GRM5: variants seen among roughly 807,000 people sequenced by gnomAD.
GRM5 encodes the protein metabotropic glutamate receptor 5.
GRM5 carries 19 observed loss-of-function variants against 83.1 expected under a neutral mutation model. That is an observed-to-expected ratio of 0.23 (90% CI 0.16 to 0.34). The LOEUF is 0.34. Among genes scored for constraint, GRM5 ranks in the 10% least tolerant of loss-of-function variants. The pLI is 1.00. For synonymous variants in GRM5, 675 were observed against 633.6 expected (o/e 1.07, Z -0.98); for missense variants, 1,160 against 1,588.3 (o/e 0.73, Z 4.58).
intron 2 of GRM5, chr11:88,912,119 T>C (rs776490243): frequency 1.3e-5 from 4 of 303,182 alleles, no homozygotes; most frequent in African/African-American, 2.3e-5. Flanking sequence ...AAATGAAGAG[T>C]ATTAGAGCAT....
At chr11:88,885,673 A>T (rs1255282820) in intron 2 of GRM5, among the ~76,000 whole-genome samples, 1 of 150,296 alleles carries the variant, frequency 6.7e-6, no homozygotes, top group Non-Finnish European at 1.5e-5. Flanking sequence ...CAGTTCTCAT[A>T]AAAAAAAATC....
At chr11:88,769,851 C>T (rs1942696077) in intron 3 of GRM5, among the ~76,000 whole-genome samples, 1 of 151,956 alleles carries the variant, frequency 6.6e-6, no homozygotes, top group Admixed American at 6.6e-5. Flanking sequence ...GGAGGGAGAG[C>T]AAAACTCTCC....
At chr11:88,524,878 G>A (rs761419396) in intron 9 of GRM5, among the ~76,000 whole-genome samples, 3 of 152,220 alleles carry the variant, frequency 2.0e-5, no homozygotes, top group Non-Finnish European at 4.4e-5. Flanking sequence ...TCCAGGATCA[G>A]GGGCTGGAGT....
At chr11:88,701,377 A>G (rs2135372959) in intron 3 of GRM5, among the ~76,000 whole-genome samples, 1 of 152,268 alleles carries the variant, frequency 6.6e-6, no homozygotes, top group Admixed American at 6.5e-5. Context: ...CAGGGATGAC[A>G]TTCTGGGTCA....
At chr11:88,908,116 A>G (rs1298255044) in intron 2 of GRM5, among the ~76,000 whole-genome samples, 2 of 152,112 alleles carry the variant, frequency 1.3e-5, no homozygotes, top group Non-Finnish European at 2.9e-5. Context: ...AATATTTCTT[A>G]TCTATACTTA....
chr11:88,603,340 C>A (rs751625959), intron 5 of GRM5, among the ~76,000 whole-genome samples: 5 of 152,186 alleles, frequency 3.3e-5, no homozygotes, highest in African/African-American at 4.8e-5. Flanking sequence ...TCATCAGATT[C>A]TATCAGCAAG....
At chr11:88,945,942 AACAG>A (rs768410665) in intron 2 of GRM5, among the ~76,000 whole-genome samples, 1 of 152,112 alleles carries the variant, frequency 6.6e-6, no homozygotes, top group African/African-American at 2.4e-5. Context: ...CAACCAAGTA[AACAG>A]ACAGCCTGTC....
chr11:88,894,035 T>C (rs1156353232), intron 2 of GRM5, among the ~76,000 whole-genome samples: 1 of 151,940 alleles, frequency 6.6e-6, no homozygotes, highest in African/African-American at 2.4e-5. Context: ...GGAGTTTGCA[T>C]CGGTGAATGC....
intron 3 of GRM5, among the ~76,000 whole-genome samples, chr11:88,822,859 T>A (rs1160571715): frequency 1.3e-5 from 2 of 152,048 alleles, no homozygotes; most frequent in Non-Finnish European, 2.9e-5. Flanking sequence ...ATTTGAGGTA[T>A]CTTTTCTTTC....
intron 3 of GRM5, among the ~76,000 whole-genome samples, chr11:88,727,085 A>C (rs1941702059): frequency 6.6e-6 from 1 of 152,208 alleles, no homozygotes; most frequent in Non-Finnish European, 1.5e-5. Flanking sequence ...ATTAAAAGAC[A>C]TAGTCAGGCA....
At chr11:88,705,358 C>G (rs1353806) in intron 3 of GRM5, among the ~76,000 whole-genome samples, 120,120 of 152,014 alleles carry the variant, frequency 0.79, 51,062 homozygotes, top group Non-Finnish European at 0.96. Context: ...AGCCAGGCTG[C>G]AGAACCACTG....
At chr11:88,863,651 C>T (rs1944609218) in intron 2 of GRM5, among the ~76,000 whole-genome samples, 1 of 126,070 alleles carries the variant, frequency 7.9e-6, no homozygotes, top group Admixed American at 8.2e-5. Context: ...GCCTAAAGAG[C>T]ATAAAAAACT....
In GRM5 at chr11:89,016,083, A is replaced by G. The variant is rs551906168; in HGVS notation, c.661+31129T>C. Among the ~76,000 whole-genome samples the G allele has an allele frequency of 2.6e-5, 4 of 152,124 alleles. No homozygotes were observed. The East Asian group carries it at 7.7e-4, about 29-fold the overall frequency. On this transcript the variant is annotated intron_variant, in intron 2 of 9. Transcript: ENST00000305447. ...TGATCTACAGGGAAAAAAACACTAG[A>G]TTCAAAAATTTATTTTAGTGCTGAG...
At chr11:88,729,794 T>C (rs1941766913) in intron 3 of GRM5, among the ~76,000 whole-genome samples, 1 of 152,208 alleles carries the variant, frequency 6.6e-6, no homozygotes, top group African/African-American at 2.4e-5. Context: ...ATCTCCTATT[T>C]AATAAATGGT....
intron 3 of GRM5, among the ~76,000 whole-genome samples, chr11:88,815,330 T>G (rs1233442272): frequency 6.6e-6 from 1 of 152,236 alleles, no homozygotes; most frequent in African/African-American, 2.4e-5. Flanking sequence ...ATAACTCATG[T>G]GTCAAGGACA....
chr11:89,047,525 G>T lies in GRM5; in HGVS notation c.348C>A (p.Ser116=). 6.2e-7 allele frequency: 1 copy of T among 1,614,072 alleles called. No individual in the cohort carries two copies. Among genetic ancestry groups the T allele is most frequent in the Non-Finnish European group, 8.5e-7 (1 of 1,179,978 alleles). ...LEQSIEFIRD[S]LISSEEEEGL... is the part of the protein sequence containing the mutation. ...CTTCTTCCTCTTCTGAAGAAATGAG[G>T]GAATCTCTTATGAACTCAATGCTCT... The change falls in exon 2 of 10, where the codon TCC becomes TCA. Residue 116 remains serine (S), a synonymous_variant. Coordinates refer to ENST00000305447, the MANE Select transcript of GRM5 (RefSeq NM_001143831.3). The surrounding 1 kb of genome is among the most constrained non-coding windows in gnomAD (Gnocchi z 5.1).
chr11:89,050,111 G>C (rs749507451), intron 1 of GRM5, among the ~76,000 whole-genome samples: 4 of 152,124 alleles, frequency 2.6e-5, no homozygotes, highest in African/African-American at 2.4e-5. Context: ...ATTCATTTAA[G>C]TTGTTTTATG....
At chr11:88,566,034 G>A (rs567673553) in intron 8 of GRM5, among the ~76,000 whole-genome samples, 2 of 152,294 alleles carry the variant, frequency 1.3e-5, no homozygotes, top group African/African-American at 4.8e-5. Flanking sequence ...TTCAAGAGAT[G>A]TTATTTAGAT....
At chr11:88,988,819 T>C (rs1455614006) in intron 2 of GRM5, among the ~76,000 whole-genome samples, 1 of 141,862 alleles carries the variant, frequency 7.0e-6, no homozygotes, top group Non-Finnish European at 1.5e-5. Context: ...CTGAGAGACT[T>C]TGTCACCACC....
Sources: allele counts gnomAD v4.1 joint callset (sites outside exome capture counted in the v4.1 genomes callset), GRCh38; gene constraint gnomAD v4.1.1; non-coding constraint Gnocchi (gnomAD v3.1); transcripts MANE v1.5; gene names NCBI Gene and HGNC (gene_info 2026-07-23, HGNC 2026-07-21).